The following CACNB3 variants were observed in gnomAD, a reference collection of about 807,000 sequenced individuals.
The protein encoded by CACNB3 is calcium voltage-gated channel auxiliary subunit beta 3.
In CACNB3, 36 loss-of-function variants were observed where a neutral mutation model predicts 63.7. The ratio of observed to expected loss-of-function variants is 0.57; its 90% CI spans 0.43 to 0.75. The LOEUF (loss-of-function observed/expected upper bound fraction) is 0.75, where lower values mean the gene tolerates loss of function less well. CACNB3 is among the 30% of genes least tolerant of loss of function. The pLI is 0.00. For synonymous variants in CACNB3, 241 were observed against 250.6 expected (o/e 0.96, Z 0.36); for missense variants, 493 against 648.6 (o/e 0.76, Z 2.61).
chr12:48,814,911 T>G, upstream of CACNB3: 2 of 233,378 alleles, frequency 8.6e-6, no homozygotes, highest in Non-Finnish European at 1.7e-5. This position sits in a 1 kb window ranked among gnomAD's most constrained non-coding sequence, Gnocchi z 6.9. Flanking sequence ...GCCTCGCCCT[T>G]CCCCTTCGCG....
Position 48,828,450 on chromosome 12 carries a change from G to A in CACNB3, c.*551G>A, listed in dbSNP as rs1402999829. 1.2e-5 allele frequency: 4 copies of A among 343,594 alleles called. No individual in the cohort carries two copies. The highest frequency in any genetic ancestry group is 1.5e-4 in the East Asian group (2 of 13,212). 21.3% of individuals were successfully genotyped at this position (343,594 alleles called of 1,614,324 possible). On this transcript the variant is annotated 3_prime_UTR_variant, in exon 13 of 13. Coordinates refer to ENST00000301050, the MANE Select transcript of CACNB3 (RefSeq NM_000725.4). ...ACACCCATCTGTTTGCTGGGGTGTG[G>A]CAGCCACATCCAAGACTGGAGCAGC... is the stretch of plus-strand genomic sequence containing the variant.
rs1938281327 is a variant in CACNB3 at position 48,828,678 on chromosome 12, C to T, written c.*779C>T. On this transcript the variant is annotated 3_prime_UTR_variant, in exon 13 of 13. Transcript: ENST00000301050. ...GTAGCAGAGAACTTAGGGGGGCCTCCTTGCCTTTCTCATTCTTTTGCCCTG... is the reference window on the plus strand; with the variant it reads ...GTAGCAGAGAACTTAGGGGGGCCTCTTTGCCTTTCTCATTCTTTTGCCCTG... 1 of 456,350 alleles carries T rather than the reference C, an allele frequency of 2.2e-6. No individual in the cohort carries two copies. The highest frequency in any genetic ancestry group is 2.3e-5 in the Admixed American group (1 of 42,556). 28.3% of individuals were successfully genotyped at this position (456,350 alleles called of 1,614,324 possible).
In CACNB3 at chr12:48,824,942, CA is replaced by C. The variant is rs779981683; in HGVS notation, c.473-2del. ...AACTTTAATCTTGTATTTCCTTTTC[CA>C]AAAAGCCAAGCAGAAGCAAAAGCAG... is the stretch of plus-strand genomic sequence containing the variant. On this transcript the variant is annotated splice_polypyrimidine_tract_variant and splice_region_variant and intron_variant, in intron 5 of 12. Transcript: ENST00000301050. 3 of 1,613,154 alleles carry C rather than the reference CA, an allele frequency of 1.9e-6. No individual in the cohort carries two copies. The highest frequency in any genetic ancestry group is 2.5e-6 in the Non-Finnish European group (3 of 1,179,854).
upstream of CACNB3, among the ~76,000 whole-genome samples, chr12:48,818,176 A>G (rs1592180407): frequency 6.6e-6 from 1 of 151,728 alleles, no homozygotes; most frequent in Non-Finnish European, 1.5e-5. This position sits in a 1 kb window ranked among gnomAD's most constrained non-coding sequence, Gnocchi z 4.3. Flanking sequence ...ACGGGCCCAG[A>G]CCCGCCCTGC....
Position 48,826,283 on chromosome 12 carries a change from C to G in CACNB3, c.743-84C>G, listed in dbSNP as rs1384979469. On this transcript the variant is annotated intron_variant, in intron 9 of 12. Coordinates refer to ENST00000301050, the MANE Select transcript of CACNB3 (RefSeq NM_000725.4). The surrounding 1 kb of genome is among the most constrained non-coding windows in gnomAD (Gnocchi z 4.8). Reference sequence around the variant, plus strand: ...CCCTTTTCCTCCAATTCCTTCCTGTCCACCATTCGGGAGCCCTCAAAGCCT... The same window carrying G: ...CCCTTTTCCTCCAATTCCTTCCTGTGCACCATTCGGGAGCCCTCAAAGCCT... 1.0e-5 allele frequency: 14 copies of G among 1,389,854 alleles called. No individual in the cohort carries two copies. The highest frequency in any genetic ancestry group is 3.6e-5 in the South Asian group (3 of 83,908). 86.1% of individuals were successfully genotyped at this position (1,389,854 alleles called of 1,614,324 possible).
rs953272297 is a variant in CACNB3 at position 48,827,666 on chromosome 12, G to A, written c.1222G>A (p.Glu408Lys). The A allele has an allele frequency of 6.8e-6, 11 of 1,613,774 alleles. No individual in the cohort carries two copies. The highest frequency in any genetic ancestry group is 8.5e-6 in the Non-Finnish European group (10 of 1,179,998). ...CTTGATGCCCTCTGATGAGGCCAGCGAGAGCTCCCGCCAAGCCTGGACAGG... is the reference window on the plus strand; with the variant it reads ...CTTGATGCCCTCTGATGAGGCCAGCAAGAGCTCCCGCCAAGCCTGGACAGG... ...DSLMPSDEAS[E>K]SSRQAWTGSS... is the part of the protein sequence containing the mutation. Residue 408 changes from glutamate (E) to lysine (K), a missense_variant, in exon 13 of 13, where the codon GAG becomes AAG. Coordinates refer to ENST00000301050, the MANE Select transcript of CACNB3 (RefSeq NM_000725.4).
chr12:48,816,459 G>A (rs1000605683), upstream of CACNB3, among the ~76,000 whole-genome samples: 5 of 152,224 alleles, frequency 3.3e-5, no homozygotes, highest in African/African-American at 1.2e-4. Flanking sequence ...GACACTGACA[G>A]GCACATGTCC....
Position 48,823,907 on chromosome 12 carries a change from A to G in CACNB3, c.291+104A>G, listed in dbSNP as rs1473080542. On this transcript the variant is annotated intron_variant, in intron 3 of 12. Transcript: ENST00000301050. This position sits in a 1 kb window ranked among gnomAD's most constrained non-coding sequence, Gnocchi z 4.2. ...AATCCTCAGTCTAATTCCCCAAGCT[A>G]ATCAGCTCTTCTCCTTAACACACAC... is the stretch of plus-strand genomic sequence containing the variant. The G allele has an allele frequency of 2.0e-5, 29 of 1,453,480 alleles. No homozygotes were observed. The highest frequency in any genetic ancestry group is 2.6e-5 in the Non-Finnish European group (27 of 1,055,392). 90.0% of individuals were successfully genotyped at this position (1,453,480 alleles called of 1,614,324 possible). A position where few individuals can be genotyped will look rare whatever the true frequency, so the allele number is the denominator to read the frequency against.
chr12:48,818,760 C>T lies in CACNB3; in HGVS notation c.-170C>T, dbSNP rs1377364696. ...GGGGAGCGGTGATCTGAGCTCCGAG[C>T]AGCTGGTCTTCGCGGCTCGCTCCCT... On this transcript the variant is annotated 5_prime_UTR_variant, in exon 1 of 13. Transcript: ENST00000301050. The surrounding 1 kb of genome is among the most constrained non-coding windows in gnomAD (Gnocchi z 4.3). 2 of 1,339,328 alleles carry T rather than the reference C, an allele frequency of 1.5e-6. No individual in the cohort carries two copies. Among genetic ancestry groups the T allele is most frequent in the Non-Finnish European group, 1.9e-6 (2 of 1,045,442 alleles). The allele number at this position is 1,339,328 out of a possible 1,614,324, so 83.0% of individuals were successfully genotyped here. A position where few individuals can be genotyped will look rare whatever the true frequency, so the allele number is the denominator to read the frequency against.
chr12:48,815,687 A>T, upstream of CACNB3: 1 of 1,368,006 alleles, frequency 7.3e-7, no homozygotes, highest in Non-Finnish European at 9.6e-7. Context: ...AGCCTGGTCT[A>T]TGTCTTTTTC....
Position 48,826,039 on chromosome 12 carries a change from G to A in CACNB3, c.742+270G>A, listed in dbSNP as rs546073379. Among the ~76,000 whole-genome samples the A allele has an allele frequency of 2.6e-3, 399 of 152,264 alleles. 2 individuals carry two copies. The highest frequency in any genetic ancestry group is 9.1e-3 in the African/African-American group (379 of 41,546). On this transcript the variant is annotated intron_variant, in intron 9 of 12. Transcript: ENST00000301050. This position sits in a 1 kb window ranked among gnomAD's most constrained non-coding sequence, Gnocchi z 4.8. ...ACGTGGGGTTTCACCATGTTGGCCA[G>A]GCTGGTCTCGAACTCCTGACCTCAA...
At position 48,825,631 on chromosome 12, in the gene CACNB3, C is replaced by T. The variant is rs369213458; in HGVS notation, c.633-29C>T. 1.4e-5 allele frequency: 22 copies of T among 1,590,134 alleles called. No individual in the cohort carries two copies. The highest frequency in any genetic ancestry group is 1.7e-5 in the Non-Finnish European group (20 of 1,158,336). Reference sequence around the variant, plus strand: ...AGAGGCTGAGGCACAGGTTTAGAAGCAAGCTGTGATTCTCCACTCCCACCC... The same window carrying T: ...AGAGGCTGAGGCACAGGTTTAGAAGTAAGCTGTGATTCTCCACTCCCACCC... On this transcript the variant is annotated intron_variant, in intron 8 of 12. Transcript: ENST00000301050. The surrounding 1 kb of genome is among the most constrained non-coding windows in gnomAD (Gnocchi z 4.5).
rs1937967361 is a variant in CACNB3 at position 48,823,566 on chromosome 12, G to A, written c.168+100G>A. 1.3e-6 allele frequency: 2 copies of A among 1,596,948 alleles called. No homozygotes were observed. The highest frequency in any genetic ancestry group is 1.7e-6 in the Non-Finnish European group (2 of 1,170,768). Reference sequence around the variant, plus strand: ...GGGTCCTTGGGCAGGATGTCCTTGAGTGTGAGAGGGTGTGTGTGATGGGCA... The same window carrying A: ...GGGTCCTTGGGCAGGATGTCCTTGAATGTGAGAGGGTGTGTGTGATGGGCA... On this transcript the variant is annotated intron_variant, in intron 2 of 12. Coordinates refer to ENST00000301050, the MANE Select transcript of CACNB3 (RefSeq NM_000725.4). The surrounding 1 kb of genome is among the most constrained non-coding windows in gnomAD (Gnocchi z 4.2).
chr12:48,825,580 G>T lies in CACNB3; in HGVS notation c.633-80G>T. ...TGCCTGTAGCTAGTCTTCTCTAAGG[G>T]AAGAGTTAGTGGGAGCTGAGTAAGG... On this transcript the variant is annotated intron_variant, in intron 8 of 12. Transcript: ENST00000301050. This position sits in a 1 kb window ranked among gnomAD's most constrained non-coding sequence, Gnocchi z 4.5. The T allele has an allele frequency of 6.3e-7, 1 of 1,584,356 alleles. No homozygotes were observed. The highest frequency in any genetic ancestry group is 8.7e-7 in the Non-Finnish European group (1 of 1,153,104).
At chr12:48,819,131 C>T (rs1231460133) in intron 1 of CACNB3, among the ~76,000 whole-genome samples, 157 bp downstream of exon 1, 1 of 152,014 alleles carries the variant, frequency 6.6e-6, no homozygotes, top group Non-Finnish European at 1.5e-5. Flanking sequence ...GATTTTCATG[C>T]CAAGCGTTCC....
At chr12:48,818,402 G>T (rs527432148), upstream of CACNB3, 34 of 973,140 alleles carry the variant, frequency 3.5e-5, 2 homozygotes, top group South Asian at 1.6e-3. The surrounding 1 kb of genome is among the most constrained non-coding windows in gnomAD (Gnocchi z 4.3). Context: ...TTTCCCGGCG[G>T]AGTAGTTCCT....
chr12:48,823,678 C>G lies in CACNB3; in HGVS notation c.169-3C>G. Reference sequence around the variant, plus strand: ...CACTTGCACTAATGGGCAAATTCTCCAGCACAAACCTGTGGCATTTGCGGT... The same window carrying G: ...CACTTGCACTAATGGGCAAATTCTCGAGCACAAACCTGTGGCATTTGCGGT... On this transcript the variant is annotated splice_region_variant and splice_polypyrimidine_tract_variant and intron_variant, in intron 2 of 12. Coordinates refer to ENST00000301050, the MANE Select transcript of CACNB3 (RefSeq NM_000725.4). This position sits in a 1 kb window ranked among gnomAD's most constrained non-coding sequence, Gnocchi z 4.2. The G allele has an allele frequency of 6.2e-7, 1 of 1,614,112 alleles. No individual in the cohort carries two copies. Among genetic ancestry groups the G allele is most frequent in the Non-Finnish European group, 8.5e-7 (1 of 1,180,006 alleles).
In CACNB3 at chr12:48,825,332, C is replaced by T; in HGVS notation, c.573+89C>T. On this transcript the variant is annotated intron_variant, in intron 7 of 12. Coordinates refer to ENST00000301050, the MANE Select transcript of CACNB3 (RefSeq NM_000725.4). This position sits in a 1 kb window ranked among gnomAD's most constrained non-coding sequence, Gnocchi z 4.5. ...GGAAAGTGGAAGGGGTGTGTCTCCT[C>T]CGTCCAGGGTGTGTATGTGGAGCGC... The T allele has an allele frequency of 6.4e-7, 1 of 1,567,056 alleles. No individual in the cohort carries two copies. The highest frequency in any genetic ancestry group is 8.8e-7 in the Non-Finnish European group (1 of 1,138,370).
rs780455551 is a variant in CACNB3 at position 48,824,244 on chromosome 12, C to A, written c.292-14C>A. 3 of 1,603,664 alleles carry A rather than the reference C, an allele frequency of 1.9e-6. No individual in the cohort carries two copies. The highest frequency in any genetic ancestry group is 2.2e-5 in the East Asian group (1 of 44,630). ...GCTTCTCTCACCACCCCTTCCTGCTCCACCTGCCCCCAGAAGTACAGCAAT... is the reference window on the plus strand; with the variant it reads ...GCTTCTCTCACCACCCCTTCCTGCTACACCTGCCCCCAGAAGTACAGCAAT... On this transcript the variant is annotated splice_polypyrimidine_tract_variant and intron_variant, in intron 3 of 12. Coordinates refer to ENST00000301050, the MANE Select transcript of CACNB3 (RefSeq NM_000725.4).
Sources: allele counts gnomAD v4.1 joint callset (sites outside exome capture counted in the v4.1 genomes callset), GRCh38; gene constraint gnomAD v4.1.1; non-coding constraint Gnocchi (gnomAD v3.1); transcripts MANE v1.5; gene names NCBI Gene and HGNC (gene_info 2026-07-23, HGNC 2026-07-21).